The following PCDHA4 variants were observed in gnomAD, a reference collection of about 807,000 sequenced individuals.
PCDHA4 encodes protocadherin alpha-4.
Under a neutral mutation model 61.4 loss-of-function variants are expected in PCDHA4, and 49 were observed. The ratio of observed to expected loss-of-function variants is 0.80; its 90% CI spans 0.63 to 1.01. The LOEUF (loss-of-function observed/expected upper bound fraction) is 1.01. PCDHA4 is among the 50% of genes least tolerant of loss of function. The pLI is 0.00. For missense variants in PCDHA4, 1,254 were observed against 1,235.8 expected (o/e 1.01, Z -0.22); for synonymous variants, 590 against 550.3 (o/e 1.07, Z -1.01).
intron 1 of PCDHA4, chr5:140,870,564 G>T (rs782511789): frequency 1.2e-6 from 2 of 1,613,884 alleles, no homozygotes; most frequent in Non-Finnish European, 1.7e-6. Context: ...AGGAGAACGC[G>T]CTGGTGTCCT....
chr5:140,838,089 T>TA (rs1775524644), intron 1 of PCDHA4, among the ~76,000 whole-genome samples: 1 of 121,926 alleles, frequency 8.2e-6, no homozygotes, highest in East Asian at 2.1e-4. Context: ...TGTGTGTGTG[T>TA]GTGTGTGTGT....
chr5:140,842,051 C>G (rs2150328197), intron 1 of PCDHA4: 4 of 1,613,852 alleles, frequency 2.5e-6, no homozygotes, highest in Non-Finnish European at 3.4e-6. Flanking sequence ...CACTTTCGAA[C>G]AGTCTGAATA....
In PCDHA4 at chr5:140,830,182, C is replaced by T. The variant is rs2150182524; in HGVS notation, c.2385+20610C>T. The T allele has an allele frequency of 8.7e-6, 14 of 1,613,656 alleles. No homozygotes were observed. The African/African-American group carries it at 1.9e-4, about 21-fold the overall frequency. ...CAGAGGCGGCGCTGGTGGATGTCAA[C>T]GTGTACCTGATCATCGCCATCTGCG... On this transcript the variant is annotated intron_variant, in intron 1 of 3. Transcript: ENST00000530339.
intron 3 of PCDHA4, among the ~76,000 whole-genome samples, chr5:140,992,190 A>C (rs1452489619): frequency 1.3e-5 from 2 of 152,134 alleles, no homozygotes; most frequent in African/African-American, 2.4e-5. Flanking sequence ...GCTTTCAGTG[A>C]TCTATCCAAT....
chr5:141,006,425 G>A (rs1483231288), intron 3 of PCDHA4, among the ~76,000 whole-genome samples: 2 of 152,080 alleles, frequency 1.3e-5, no homozygotes, highest in African/African-American at 4.8e-5. Context: ...GTGTTAGCCA[G>A]GATGGTCTCA....
intron 1 of PCDHA4, among the ~76,000 whole-genome samples, chr5:140,974,881 C>A (rs191346198): frequency 6.6e-6 from 1 of 152,228 alleles, no homozygotes; most frequent in African/African-American, 2.4e-5. Flanking sequence ...GTCTATGTAT[C>A]CCTTTTCTGA....
intron 1 of PCDHA4, chr5:140,870,544 G>T: frequency 6.2e-7 from 1 of 1,614,124 alleles, no homozygotes. Context: ...GGCGCGGGAC[G>T]CGGACGCGCA....
chr5:140,891,568 A>G (rs1448026659), intron 1 of PCDHA4, among the ~76,000 whole-genome samples: 1 of 151,646 alleles, frequency 6.6e-6, no homozygotes, highest in Non-Finnish European at 1.5e-5. Flanking sequence ...CTCTAATTAA[A>G]CATATTTTAA....
intron 1 of PCDHA4, chr5:140,882,514 C>T: frequency 2.5e-6 from 4 of 1,614,150 alleles, no homozygotes; most frequent in Non-Finnish European, 3.4e-6. Context: ...TGCAGAATGG[C>T]ATTTTGTTTG....
chr5:140,966,017 G>A (rs946123044), intron 1 of PCDHA4, among the ~76,000 whole-genome samples: 1 of 152,144 alleles, frequency 6.6e-6, no homozygotes, highest in Non-Finnish European at 1.5e-5. Flanking sequence ...GGGAAGATGT[G>A]GGAGTCAGGT....
chr5:140,962,171 G>T (rs1218733161), intron 1 of PCDHA4, among the ~76,000 whole-genome samples: 1 of 151,902 alleles, frequency 6.6e-6, no homozygotes, highest in Admixed American at 6.6e-5. Flanking sequence ...CACCACACCC[G>T]GCCACTTATA....
rs78042832 is a variant in PCDHA4, at chr5:140,978,370, A to G, written c.2386-579A>G. Among the ~76,000 whole-genome samples, 198 of 152,318 alleles carry G rather than the reference A, an allele frequency of 1.3e-3. 1 individual carries two copies. The East Asian group carries it at 0.027, about 21-fold the overall frequency. On this transcript the variant is annotated intron_variant, in intron 1 of 3. Transcript: ENST00000530339. ...TAGCAAAACAAGGTCAAACTCTGCA[A>G]TAGTTTGTTTTCCTCTCCCTAGTAT...
chr5:140,842,833 G>C (rs2150345811), intron 1 of PCDHA4: 1 of 1,593,874 alleles, frequency 6.3e-7, no homozygotes, highest in Non-Finnish European at 8.6e-7. Context: ...AGCGCTCGCT[G>C]TCGAGCTACA....
At chr5:140,868,818 T>TG (rs1170928689) in intron 1 of PCDHA4, 2 of 385,940 alleles carry the variant, frequency 5.2e-6, no homozygotes, top group Non-Finnish European at 9.1e-6. Flanking sequence ...TGGAAATATT[T>TG]GGGGGAAGAA....
At chr5:140,851,758 C>A (rs1554145527) in intron 1 of PCDHA4, 1 of 969,910 alleles carries the variant, frequency 1.0e-6, no homozygotes, top group Non-Finnish European at 1.2e-6. Flanking sequence ...TAACTTAAAA[C>A]ATTACCCTTA....
chr5:140,895,647 C>T (rs954657912), intron 1 of PCDHA4, among the ~76,000 whole-genome samples: 1 of 151,996 alleles, frequency 6.6e-6, no homozygotes, highest in African/African-American at 2.4e-5. Context: ...TTTTTAGCTC[C>T]CACTTATAAG....
At chr5:140,949,042 G>A (rs2094338452) in intron 1 of PCDHA4, among the ~76,000 whole-genome samples, 2 of 151,644 alleles carry the variant, frequency 1.3e-5, no homozygotes, top group African/African-American at 2.4e-5. Flanking sequence ...TTAAAAGTAT[G>A]TTCTAATTTC....
rs1307934746 is a variant in PCDHA4, at chr5:140,846,014, A to C, written c.2385+36442A>C. 1.3e-5 allele frequency among the ~76,000 whole-genome samples: 2 copies of C among 149,776 alleles called. 1 individual carries two copies. Among genetic ancestry groups the C allele is most frequent in the Non-Finnish European group, 3.0e-5 (2 of 66,864 alleles). On this transcript the variant is annotated intron_variant, in intron 1 of 3. Transcript: ENST00000530339. ...TGTGGTGGAATGAAAAAAATCTAAA[A>C]GTTATTACGAGTTTAGGAAAGTCAA...
intron 1 of PCDHA4, chr5:140,859,356 A>C (rs1159666697): frequency 7.9e-6 from 2 of 251,624 alleles, no homozygotes; most frequent in Admixed American, 9.1e-5. Flanking sequence ...TACTGATCTG[A>C]TATATTGTAT....
Sources: allele counts gnomAD v4.1 joint callset (sites outside exome capture counted in the v4.1 genomes callset), GRCh38; gene constraint gnomAD v4.1.1; transcripts MANE v1.5; gene names NCBI Gene and HGNC (gene_info 2026-07-23, HGNC 2026-07-21).